SMYD3: variants seen among roughly 807,000 people sequenced by gnomAD.
SMYD3 encodes the protein histone-lysine N-methyltransferase SMYD3.
SMYD3 carries 36 observed loss-of-function variants against 57.7 expected under a neutral mutation model. The ratio of observed to expected loss-of-function variants is 0.62; its 90% CI spans 0.48 to 0.82. The LOEUF is 0.82. Among genes scored for constraint, SMYD3 ranks in the 40% least tolerant of loss-of-function variants. The pLI is 0.00. For synonymous variants in SMYD3, 211 were observed against 195.0 expected, an observed-to-expected ratio of 1.08 and a Z score of -0.68; for missense variants, 515 against 538.8, an observed-to-expected ratio of 0.96 and a Z score of 0.44.
At chr1:246,014,367 T>TGTCAA (rs2059340068) in intron 5 of SMYD3, among the ~76,000 whole-genome samples, 1 of 152,082 alleles carries the variant, frequency 6.6e-6, no homozygotes, top group African/African-American at 2.4e-5. Context: ...AGCAACACAT[T>TGTCAA]GTCAAGTGCG....
chr1:246,358,840 T>C (rs915401633), intron 1 of SMYD3, among the ~76,000 whole-genome samples: 1 of 152,118 alleles, frequency 6.6e-6, no homozygotes, highest in South Asian at 2.1e-4. Flanking sequence ...GTTCGGAGCA[T>C]TAAATGCCTA....
intron 5 of SMYD3, among the ~76,000 whole-genome samples, chr1:245,979,794 G>A (rs1002973815): frequency 3.3e-5 from 5 of 152,124 alleles, no homozygotes; most frequent in African/African-American, 9.7e-5. Flanking sequence ...ACCCAGCCCC[G>A]GCAGCTAGAT....
intron 5 of SMYD3, among the ~76,000 whole-genome samples, chr1:245,964,644 A>C (rs6667654): frequency 0.14 from 21,215 of 152,150 alleles, 1,800 homozygotes; most frequent in East Asian, 0.41. Context: ...AAGAAAGCAA[A>C]AGTAATGCTA....
At chr1:245,947,207 C>CAG (rs906393417) in intron 5 of SMYD3, among the ~76,000 whole-genome samples, 50 of 152,256 alleles carry the variant, frequency 3.3e-4, no homozygotes, top group African/African-American at 1.1e-3. Context: ...ATTAATGCCA[C>CAG]AGAGAGAGAG....
At chr1:245,914,548 CATA>C (rs1558488643) in intron 8 of SMYD3, among the ~76,000 whole-genome samples, 1 of 152,100 alleles carries the variant, frequency 6.6e-6, no homozygotes, top group Non-Finnish European at 1.5e-5. Context: ...TGTTCTCACT[CATA>C]TGTGGGAATT....
At chr1:246,195,626 C>A (rs1024164207) in intron 5 of SMYD3, among the ~76,000 whole-genome samples, 1 of 152,172 alleles carries the variant, frequency 6.6e-6, no homozygotes, top group Non-Finnish European at 1.5e-5. Flanking sequence ...CACACACACA[C>A]ACACACGCAC....
intron 5 of SMYD3, among the ~76,000 whole-genome samples, chr1:246,079,172 T>C (rs190401325): frequency 2.8e-4 from 42 of 152,284 alleles, no homozygotes; most frequent in African/African-American, 8.9e-4. Context: ...TGGAACTAGA[T>C]GGCACAGAGC....
At chr1:246,303,242 T>C (rs572329378) in intron 5 of SMYD3, among the ~76,000 whole-genome samples, 3 of 152,254 alleles carry the variant, frequency 2.0e-5, no homozygotes, top group South Asian at 4.1e-4. Context: ...AGTGCATGAG[T>C]TGATACTTAT....
chr1:245,809,731 T>C (rs185342851), intron 10 of SMYD3, among the ~76,000 whole-genome samples: 8 of 152,258 alleles, frequency 5.3e-5, no homozygotes, highest in African/African-American at 1.9e-4. Flanking sequence ...GAAAAGAGGA[T>C]CCTGGCCAGG....
At chr1:246,140,907 G>A (rs1248419072) in intron 5 of SMYD3, among the ~76,000 whole-genome samples, 5 of 152,278 alleles carry the variant, frequency 3.3e-5, no homozygotes, top group Admixed American at 6.5e-5. Context: ...AAGGAAATGC[G>A]TTTCAAATGC....
chr1:246,494,002 A>G (rs1393117437), intron 1 of SMYD3, among the ~76,000 whole-genome samples: 1 of 152,156 alleles, frequency 6.6e-6, no homozygotes, highest in Admixed American at 6.6e-5. Flanking sequence ...CACATCTAGA[A>G]TAACGCACAT....
chr1:245,935,671 T>C (rs1424733944), intron 5 of SMYD3, among the ~76,000 whole-genome samples: 1 of 152,200 alleles, frequency 6.6e-6, no homozygotes, highest in South Asian at 2.1e-4. Flanking sequence ...GAAAATGTAG[T>C]ATAGATACAC....
chr1:246,285,673 T>C (rs1435893715), intron 5 of SMYD3, among the ~76,000 whole-genome samples: 3 of 152,232 alleles, frequency 2.0e-5, no homozygotes, highest in East Asian at 3.9e-4. Flanking sequence ...AGTTTTGGCA[T>C]GGCAAAAGGA....
chr1:246,365,819 A>T (rs933576486), intron 1 of SMYD3, among the ~76,000 whole-genome samples: 4 of 152,186 alleles, frequency 2.6e-5, no homozygotes, highest in East Asian at 1.9e-4. Context: ...CCAAATCGCC[A>T]AAAGCTGTCC....
chr1:246,191,612 A>G (rs2062740043), intron 5 of SMYD3, among the ~76,000 whole-genome samples: 1 of 152,254 alleles, frequency 6.6e-6, no homozygotes. Flanking sequence ...TTGAAATCAG[A>G]GAGATGTCTT....
At chr1:246,188,804 C>T (rs1315905637) in intron 5 of SMYD3, among the ~76,000 whole-genome samples, 8 of 151,638 alleles carry the variant, frequency 5.3e-5, no homozygotes, top group African/African-American at 1.5e-4. Context: ...CTACTAAAAA[C>T]ACAAAAAAGA....
intron 5 of SMYD3, among the ~76,000 whole-genome samples, chr1:245,994,484 G>A (rs1175941434): frequency 1.3e-5 from 2 of 152,246 alleles, no homozygotes; most frequent in South Asian, 2.1e-4. Flanking sequence ...TCTCTCTAGA[G>A]GTCAGCACTT....
At chr1:246,435,346 T>C (rs1033854734) in intron 1 of SMYD3, among the ~76,000 whole-genome samples, 1 of 152,104 alleles carries the variant, frequency 6.6e-6, no homozygotes, top group Non-Finnish European at 1.5e-5. Context: ...AAAGAATGTG[T>C]TTGTGATTAT....
At chr1:245,817,952 A>T (rs1252305397) in intron 10 of SMYD3, among the ~76,000 whole-genome samples, 1 of 152,228 alleles carries the variant, frequency 6.6e-6, no homozygotes, top group Non-Finnish European at 1.5e-5. Flanking sequence ...GGGAGAATGG[A>T]AACAAGTTGG....
Sources: allele counts gnomAD v4.1 joint callset (sites outside exome capture counted in the v4.1 genomes callset), GRCh38; gene constraint gnomAD v4.1.1; transcripts MANE v1.5; gene names NCBI Gene and HGNC (gene_info 2026-07-23, HGNC 2026-07-21).